The following NRK variants were observed in gnomAD, a reference collection of about 807,000 sequenced individuals.
The protein encoded by NRK is nik-related protein kinase.
Under a neutral mutation model 125.2 loss-of-function variants are expected in NRK, and 67 were observed. That is an observed-to-expected ratio of 0.54 (90% CI 0.44 to 0.66). The LOEUF is 0.66. Among genes scored for constraint, NRK ranks in the 30% least tolerant of loss-of-function variants. The probability of loss-of-function intolerance (pLI) is 0.00; values close to 1 mark genes in which losing one functional copy is unlikely to be tolerated. For synonymous variants in NRK, 458 were observed against 429.0 expected, an observed-to-expected ratio of 1.07 and a Z score of -0.84; for missense variants, 1,224 against 1,192.9, an observed-to-expected ratio of 1.03 and a Z score of -0.38.
At chrX:105,906,393 T>A (rs1289325118) in intron 10 of NRK, 21 bp from the exon 11 acceptor site, 2 of 1,060,298 alleles carry the variant, frequency 1.9e-6, no homozygotes, top group Non-Finnish European at 2.5e-6. Context: ...TTTTTTTTCC[T>A]CTCTTTGACT....
chrX:105,938,943 G>T (rs780430980), intron 22 of NRK, among the ~76,000 whole-genome samples: 14 of 111,014 alleles, frequency 1.3e-4, no homozygotes, highest in South Asian at 3.9e-4. Context: ...CAGAGCGAAG[G>T]GGGGAGAAGC....
At chrX:105,854,247 C>A (rs1019403409) in intron 2 of NRK, among the ~76,000 whole-genome samples, 21 of 111,722 alleles carry the variant, frequency 1.9e-4, no homozygotes, top group Non-Finnish European at 2.4e-4. Flanking sequence ...GATTTGAGGA[C>A]CTTTGTTAGT....
chrX:105,839,982 G>A (rs1342728267), intron 2 of NRK, among the ~76,000 whole-genome samples: 1 of 111,414 alleles, frequency 9.0e-6, no homozygotes, highest in Non-Finnish European at 1.9e-5. Context: ...ATTTGCAATG[G>A]GGGTGAAAAA....
chrX:105,938,043 C>CT (rs1327762753), intron 22 of NRK, among the ~76,000 whole-genome samples: 1 of 111,695 alleles, frequency 9.0e-6, no homozygotes, highest in African/African-American at 3.3e-5. Flanking sequence ...AATGGATCCC[C>CT]TAAAGATCTT....
intron 21 of NRK, 140 bp downstream of exon 21, chrX:105,935,465 T>A: frequency 2.3e-6 from 1 of 442,223 alleles, no homozygotes. Context: ...TCAGAATTGG[T>A]TTTGCTGATT....
chrX:105,909,762 GTCA>G lies in NRK; in HGVS notation c.2126_2128del (p.Ser709del). 2.5e-6 allele frequency: 3 copies of G among 1,183,349 alleles called. No individual in the cohort carries two copies. Among genetic ancestry groups the G allele is most frequent in the Non-Finnish European group, 3.4e-6 (3 of 880,686 alleles). On this transcript the variant is annotated inframe_deletion, in exon 13 of 29. Transcript: ENST00000243300. ...TATCACCAAAGAGGTTCAGGGCAAAGTCATCATGGAGACCTGAAAAGCTTGAAC... is the reference window on the plus strand; with the variant it reads ...TATCACCAAAGAGGTTCAGGGCAAAGTCATGGAGACCTGAAAAGCTTGAAC...
Position 105,905,317 on chromosome X carries a change from T to G in NRK, c.819T>G (p.Ser273=), listed in dbSNP as rs2040206521. The G allele has an allele frequency of 1.7e-6, 2 of 1,201,663 alleles. No individual in the cohort carries two copies. The highest frequency in any genetic ancestry group is 2.3e-6 in the Non-Finnish European group (2 of 886,912). ...LEALFVILRE[S]APTVKSSGWS... ...CTCTCTTCGTTATTTTGCGGGAATC[T>G]GCTCCCACAGTCAAATCCAGCGGAT... The change falls in exon 10 of 29, where the codon TCT becomes TCG. Residue 273 remains serine, a synonymous_variant. Transcript: ENST00000243300.
intron 4 of NRK, among the ~76,000 whole-genome samples, chrX:105,887,247 C>G (rs1189903220): frequency 8.9e-6 from 1 of 111,910 alleles, no homozygotes; most frequent in African/African-American, 3.2e-5. Context: ...AATAAAATGA[C>G]AACCCAGTTT....
chrX:105,934,948 A>G (rs2040641599), intron 20 of NRK, among the ~76,000 whole-genome samples: 1 of 111,971 alleles, frequency 8.9e-6, no homozygotes, highest in Non-Finnish European at 1.9e-5. Context: ...AGCTGGGATT[A>G]CAGGTGTGAG....
chrX:105,823,444 C>T (rs2039050549), intron 1 of NRK, among the ~76,000 whole-genome samples: 1 of 111,656 alleles, frequency 9.0e-6, no homozygotes, highest in African/African-American at 3.3e-5. Context: ...CTTTCTAAAA[C>T]CTTATTCTTG....
intron 2 of NRK, among the ~76,000 whole-genome samples, chrX:105,840,835 G>A (rs1319971548): frequency 9.5e-6 from 1 of 105,710 alleles, no homozygotes; most frequent in Non-Finnish European, 1.9e-5. Flanking sequence ...ATATATGTAT[G>A]TATGTGTCTG....
chrX:105,844,966 T>C (rs1372722238), intron 2 of NRK, among the ~76,000 whole-genome samples: 1 of 111,591 alleles, frequency 9.0e-6, no homozygotes, highest in Non-Finnish European at 1.9e-5. Flanking sequence ...TTGTGAATCA[T>C]CTTGCCATTT....
intron 2 of NRK, among the ~76,000 whole-genome samples, chrX:105,877,443 T>A (rs930410177): frequency 1.8e-5 from 2 of 111,638 alleles, no homozygotes; most frequent in African/African-American, 6.5e-5. Flanking sequence ...TTCTTCATTT[T>A]GACAATTGTA....
chrX:105,908,951 A>G lies in NRK; in HGVS notation c.1310A>G (p.Gln437Arg), dbSNP rs767283338. 2.5e-6 allele frequency: 3 copies of G among 1,207,742 alleles called. No individual in the cohort carries two copies. The highest frequency in any genetic ancestry group is 3.5e-5 in the African/African-American group (2 of 56,950). The change falls in exon 13 of 29, where the codon CAA (glutamine) becomes CGA (arginine). Residue 437 changes from glutamine to arginine, a missense_variant. Coordinates refer to ENST00000243300, the MANE Select transcript of NRK (RefSeq NM_198465.4). ...KPLKGQAQAP[Q>R]RLQGAARVFM... is the part of the protein sequence containing the mutation. ...CTAAAGGGGCAGGCTCAGGCACCTC[A>G]ACGACTACAAGGGGCAGCTCGGGTG...
intron 9 of NRK, among the ~76,000 whole-genome samples, chrX:105,901,419 G>A (rs2040155605): frequency 9.0e-6 from 1 of 111,522 alleles, no homozygotes; most frequent in Admixed American, 9.6e-5. Flanking sequence ...AAGTATAAAT[G>A]ACAATGCATC....
At position 105,943,071 on chromosome X, in the gene NRK, G is replaced by A. The variant is rs1278003223; in HGVS notation, c.3959-870G>A. On this transcript the variant is annotated intron_variant, in intron 23 of 28. Coordinates refer to ENST00000243300, the MANE Select transcript of NRK (RefSeq NM_198465.4). The stretch of plus-strand genomic sequence containing the variant: ...AATTTATCTTTTTTTTCCTTTTCTT[G>A]CCTTATATTTGGGTGTCAAATATCA... Among the ~76,000 whole-genome samples the A allele has an allele frequency of 2.4e-4, 26 of 109,814 alleles. No individual in the cohort carries two copies. The Admixed American group carries it at 2.5e-3, about 11-fold the overall frequency.
intron 2 of NRK, among the ~76,000 whole-genome samples, chrX:105,842,163 C>T (rs1055840468): frequency 1.8e-5 from 2 of 111,381 alleles, no homozygotes; most frequent in Admixed American, 1.9e-4. Context: ...GAGCTGAGGT[C>T]GGTAATGAAG....
chrX:105,839,950 T>C (rs2039309542), intron 2 of NRK, among the ~76,000 whole-genome samples: 2 of 111,364 alleles, frequency 1.8e-5, no homozygotes, highest in South Asian at 7.5e-4. Context: ...AAGTTTTTCC[T>C]CAATAAGAAA....
At chrX:105,948,626 T>G in intron 26 of NRK, 1 of 491,256 alleles carries the variant, frequency 2.0e-6, no homozygotes, top group Non-Finnish European at 3.6e-6. Flanking sequence ...CTTTTTTTTC[T>G]GATTCAATTG....
Sources: gnomAD v4.1 joint callset for allele counts (sites outside exome capture counted in the v4.1 genomes callset) on GRCh38, gnomAD v4.1.1 for gene constraint, MANE v1.5 for transcripts, NCBI Gene and HGNC (gene_info 2026-07-23, HGNC 2026-07-21) for gene names.